DNAH14: variants seen among roughly 807,000 people sequenced by gnomAD.
DNAH14 encodes dynein axonemal heavy chain 14, also known as axonemal beta dynein heavy chain 14.
DNAH14 carries 478 observed loss-of-function variants against 520.9 expected under a neutral mutation model. The observed-to-expected ratio is 0.92, with a 90% confidence interval of 0.85 to 0.99. DNAH14 has a LOEUF of 0.99. Among genes scored for constraint, DNAH14 ranks in the 50% least tolerant of loss-of-function variants. The probability of loss-of-function intolerance (pLI) is 0.00; values close to 1 mark genes in which losing one functional copy is unlikely to be tolerated. For missense variants in DNAH14, 4,831 were observed against 5,234.5 expected (o/e 0.92, Z 2.38); for synonymous variants, 1,581 against 1,757.2 (o/e 0.90, Z 2.51).
chr1:225,134,856 G>T (rs1351644296), intron 27 of DNAH14, among the ~76,000 whole-genome samples: 1 of 151,918 alleles, frequency 6.6e-6, no homozygotes, highest in Non-Finnish European at 1.5e-5. Context: ...CTGGTCTTGG[G>T]ATTTTTTTGG....
At chr1:225,054,302 A>G (rs1200913939) in intron 17 of DNAH14, among the ~76,000 whole-genome samples, 1 of 152,204 alleles carries the variant, frequency 6.6e-6, no homozygotes, top group East Asian at 1.9e-4. Context: ...TGTTATTAAT[A>G]CATGGGGACT....
intron 47 of DNAH14, 143 bp downstream of exon 47, chr1:225,264,404 A>C (rs1035186819): frequency 7.8e-5 from 57 of 731,874 alleles, no homozygotes; most frequent in Non-Finnish European, 1.0e-4. Flanking sequence ...ACTATCCCAC[A>C]CCCTCTCAAA....
Position 225,144,594 on chromosome 1 carries a change from C to G in DNAH14, c.4706C>G (p.Thr1569Arg), listed in dbSNP as rs142356826. Residue 1569 changes from threonine to arginine, a missense_variant, in exon 29 of 86, where the codon ACA (threonine) becomes AGA (arginine). Physicochemically the swap from Thr to Arg is moderately conservative, Grantham distance 71. Transcript: ENST00000682510. ...LGGCPAGPAG[T>R]GKTETVKDLA... The stretch of plus-strand genomic sequence containing the variant: ...GGCTGTCCTGCCGGTCCAGCTGGTA[C>G]AGGAAAAACTGAGACTGTCAAAGAT... 2,032 of 1,551,294 alleles carry G rather than the reference C, an allele frequency of 1.3e-3. 50 individuals are homozygous for G. In the Admixed American group the frequency reaches 0.036, roughly 28 times the overall value.
chr1:225,376,399 C>T (rs778452462), intron 78 of DNAH14, among the ~76,000 whole-genome samples: 2 of 152,152 alleles, frequency 1.3e-5, no homozygotes, highest in Admixed American at 6.5e-5. Context: ...TGCACTCCAG[C>T]CTGGGCGACA....
chr1:225,078,759 C>G (rs971332955), intron 17 of DNAH14, among the ~76,000 whole-genome samples: 3 of 100,598 alleles, frequency 3.0e-5, no homozygotes, highest in Non-Finnish European at 6.0e-5. Flanking sequence ...TAGCACTCCC[C>G]CATTCTCAAT....
At chr1:225,089,270 C>T (rs1440921389) in intron 21 of DNAH14, among the ~76,000 whole-genome samples, 1 of 151,836 alleles carries the variant, frequency 6.6e-6, no homozygotes, top group African/African-American at 2.4e-5. Context: ...ATGGTGAAAC[C>T]TTGTCTCTAC....
intron 27 of DNAH14, among the ~76,000 whole-genome samples, chr1:225,125,975 C>G (rs986445473): frequency 1.3e-5 from 2 of 151,762 alleles, no homozygotes; most frequent in Non-Finnish European, 2.9e-5. Flanking sequence ...TTAGGGAGAC[C>G]GAAGAAGAAG....
chr1:225,167,860 TAAGAGAG>T (rs2082185837), intron 35 of DNAH14, 72 bp from the exon 36 acceptor site: 5 of 797,004 alleles, frequency 6.3e-6, no homozygotes. Flanking sequence ...GGTACCTAGT[TAAGAGAG>T]ATTTTGGAAG....
At chr1:225,127,314 A>G (rs1201032442) in intron 27 of DNAH14, among the ~76,000 whole-genome samples, 1 of 151,630 alleles carries the variant, frequency 6.6e-6, no homozygotes. Context: ...GGGGTGTTAA[A>G]GTCTCCCATT....
intron 1 of DNAH14, among the ~76,000 whole-genome samples, chr1:224,939,953 T>A (rs1188148974): frequency 6.6e-6 from 1 of 152,214 alleles, no homozygotes; most frequent in Non-Finnish European, 1.5e-5. Flanking sequence ...TATTGCTGTG[T>A]GACAAACCAC....
chr1:225,367,167 C>T (rs1440233567), intron 76 of DNAH14, among the ~76,000 whole-genome samples: 2 of 152,046 alleles, frequency 1.3e-5, no homozygotes, highest in Admixed American at 1.3e-4. Flanking sequence ...ATTTCAGACC[C>T]TTCACAATTT....
Position 225,388,391 on chromosome 1 carries a change from A to G in DNAH14, c.13090A>G (p.Arg4364Gly). 6.6e-7 allele frequency: 1 copy of G among 1,519,904 alleles called. No homozygotes were observed. The highest frequency in any genetic ancestry group is 8.9e-7 in the Non-Finnish European group (1 of 1,122,204). 94.2% of individuals were successfully genotyped at this position (1,519,904 alleles called of 1,614,324 possible). A position where few individuals can be genotyped will look rare whatever the true frequency, so the allele number is the denominator to read the frequency against. The change falls in exon 82 of 86, where the codon AGA becomes GGA. Residue 4364 changes from arginine to glycine, a missense_variant. Arg to Gly is a moderately radical substitution (Grantham distance 125). Transcript: ENST00000682510. The part of the protein sequence containing the change: ...VPTLWQKHAY[R>G]SCKPLSSWID... ...TAAATCCCAACAGAAACACGCCTAC[A>G]GATCTTGTAAGCCACTGAGTTCCTG...
chr1:225,268,659 T>G (rs2093206883), intron 49 of DNAH14, among the ~76,000 whole-genome samples: 1 of 152,080 alleles, frequency 6.6e-6, no homozygotes, highest in African/African-American at 2.4e-5. Flanking sequence ...TGTGCAAAAA[T>G]CACAAACATT....
At chr1:225,380,633 T>A (rs1038572643) in intron 80 of DNAH14, among the ~76,000 whole-genome samples, 6 of 152,198 alleles carry the variant, frequency 3.9e-5, no homozygotes, top group African/African-American at 1.4e-4. Flanking sequence ...CTGTTCTCTC[T>A]GCCTCTCTGC....
intron 34 of DNAH14, 111 bp from the exon 35 acceptor site, chr1:225,159,203 G>A: frequency 2.5e-6 from 2 of 804,340 alleles, no homozygotes; most frequent in South Asian, 1.7e-5. Context: ...AGAGAGAGGA[G>A]GGAAGGACAT....
rs548086941 is a variant in DNAH14, at chr1:225,217,091, G to A, written c.6439+9871G>A. ...GTACAGATGGGGTTTTGGTGTGGAT[G>A]TCCTTTCTGTTTGTTAGTTTTCCTT... On this transcript the variant is annotated intron_variant, in intron 41 of 85. Coordinates refer to ENST00000682510, the MANE Select transcript of DNAH14 (RefSeq NM_001367479.1). Among the ~76,000 whole-genome samples the A allele has an allele frequency of 4.0e-5, 6 of 150,242 alleles. No individual in the cohort carries two copies. In the South Asian group the frequency reaches 8.3e-4, roughly 21 times the overall value.
chr1:225,003,634 T>C (rs1285514674), intron 9 of DNAH14, among the ~76,000 whole-genome samples: 1 of 152,080 alleles, frequency 6.6e-6, no homozygotes, highest in Admixed American at 6.6e-5. Context: ...TAATGACAGA[T>C]ACATAGTAGG....
rs530404263 is a variant in DNAH14, at chr1:225,103,322, G to T, written c.3867+2438G>T. 1.3e-3 allele frequency among the ~76,000 whole-genome samples: 198 copies of T among 152,272 alleles called. 1 individual carries two copies. The South Asian group carries it at 0.019, about 15-fold the overall frequency. On this transcript the variant is annotated intron_variant, in intron 23 of 85. Coordinates refer to ENST00000682510, the MANE Select transcript of DNAH14 (RefSeq NM_001367479.1). ...GTAGTATAGTTTGAAGTCAGGTAGC[G>T]TGATGCCTCCAGCTTTGTTCTTTTG...
chr1:225,163,334 T>A (rs1248025573), intron 35 of DNAH14, among the ~76,000 whole-genome samples: 1 of 152,162 alleles, frequency 6.6e-6, no homozygotes, highest in East Asian at 1.9e-4. Context: ...CCTTTCCAGT[T>A]TGGATGCCCT....
Sources: gnomAD v4.1 joint callset for allele counts (sites outside exome capture counted in the v4.1 genomes callset) on GRCh38, gnomAD v4.1.1 for gene constraint, MANE v1.5 for transcripts, NCBI Gene and HGNC (gene_info 2026-07-23, HGNC 2026-07-21) for gene names.